CDKAL1: variants seen among roughly 807,000 people sequenced by gnomAD.
The protein encoded by CDKAL1 is threonylcarbamoyladenosine tRNA methylthiotransferase.
CDKAL1 carries 32 observed loss-of-function variants against 68.2 expected under a neutral mutation model. The ratio of observed to expected loss-of-function variants is 0.47; its 90% CI spans 0.35 to 0.63. CDKAL1 has a LOEUF of 0.63. Among genes scored for constraint, CDKAL1 ranks in the 30% least tolerant of loss-of-function variants. The pLI, the probability that CDKAL1 is intolerant of heterozygous loss-of-function variation, is 0.00. For missense variants in CDKAL1, 606 were observed against 696.7 expected (o/e 0.87, Z 1.47); for synonymous variants, 234 against 244.3 (o/e 0.96, Z 0.39).
intron 5 of CDKAL1, among the ~76,000 whole-genome samples, chr6:20,708,600 GT>G (rs1203336219): frequency 6.6e-6 from 1 of 152,164 alleles, no homozygotes; most frequent in African/African-American, 2.4e-5. Flanking sequence ...GTGTTAGACA[GT>G]TTCAGGTTCG....
intron 11 of CDKAL1, among the ~76,000 whole-genome samples, chr6:21,005,473 G>C (rs1338831280): frequency 6.6e-6 from 1 of 152,190 alleles, no homozygotes; most frequent in Non-Finnish European, 1.5e-5. Context: ...TCTTTAGACA[G>C]AGTATTTTGT....
intron 11 of CDKAL1, among the ~76,000 whole-genome samples, chr6:21,063,203 C>T (rs893615766): frequency 6.6e-6 from 1 of 152,230 alleles, no homozygotes; most frequent in African/African-American, 2.4e-5. Flanking sequence ...GCATGATCCA[C>T]TACATCTGGC....
At chr6:20,956,745 C>G (rs1229497555) in intron 10 of CDKAL1, among the ~76,000 whole-genome samples, 1 of 152,008 alleles carries the variant, frequency 6.6e-6, no homozygotes, top group Non-Finnish European at 1.5e-5. Flanking sequence ...ATATCAACAA[C>G]CTATTTCAGA....
intron 10 of CDKAL1, among the ~76,000 whole-genome samples, chr6:20,998,881 T>C (rs756027482): frequency 6.6e-6 from 1 of 152,180 alleles, no homozygotes; most frequent in African/African-American, 2.4e-5. Context: ...GCTAAGAAGG[T>C]GACTGATTTG....
At chr6:20,988,736 G>A (rs1023621122) in intron 10 of CDKAL1, among the ~76,000 whole-genome samples, 4 of 151,828 alleles carry the variant, frequency 2.6e-5, no homozygotes, top group South Asian at 2.1e-4. Flanking sequence ...TGAAATCTCC[G>A]CCTCCCGGGT....
intron 4 of CDKAL1, among the ~76,000 whole-genome samples, chr6:20,609,273 TCTC>T (rs1235244748): frequency 7.3e-6 from 1 of 136,646 alleles, no homozygotes; most frequent in African/African-American, 2.9e-5. Context: ...TCCTCCTCCT[TCTC>T]CTCCTTCTCC....
At chr6:20,744,137 A>G (rs1015559903) in intron 6 of CDKAL1, among the ~76,000 whole-genome samples, 1 of 152,046 alleles carries the variant, frequency 6.6e-6, no homozygotes, top group Admixed American at 6.6e-5. Context: ...TATTACTGCT[A>G]TTTGTTTATG....
At chr6:21,071,060 T>C (rs779896949) in intron 12 of CDKAL1, among the ~76,000 whole-genome samples, 4 of 152,274 alleles carry the variant, frequency 2.6e-5, no homozygotes, top group Non-Finnish European at 4.4e-5. Flanking sequence ...TTTTAGTTAA[T>C]GTGTTTTTTA....
At chr6:21,229,415 TCCTG>T (rs1460478638) in intron 15 of CDKAL1, among the ~76,000 whole-genome samples, 2 of 152,162 alleles carry the variant, frequency 1.3e-5, no homozygotes, top group African/African-American at 4.8e-5. Context: ...TACCCCATTC[TCCTG>T]CCTCCCTTCA....
intron 5 of CDKAL1, among the ~76,000 whole-genome samples, chr6:20,733,208 C>G (rs1166664154): frequency 6.6e-6 from 1 of 152,226 alleles, no homozygotes; most frequent in Non-Finnish European, 1.5e-5. Context: ...TGTCCCACAG[C>G]TACTTGCAGC....
intron 12 of CDKAL1, among the ~76,000 whole-genome samples, chr6:21,087,788 A>C (rs1772774006): frequency 6.6e-6 from 1 of 151,274 alleles, no homozygotes; most frequent in African/African-American, 2.4e-5. Context: ...ACAGATATGC[A>C]TGCATGCGTG....
chr6:20,872,569 C>T (rs1760281030), intron 9 of CDKAL1, among the ~76,000 whole-genome samples: 1 of 152,176 alleles, frequency 6.6e-6, no homozygotes, highest in Non-Finnish European at 1.5e-5. Context: ...AATGGGCATG[C>T]ATATTTCAGT....
chr6:21,096,647 C>G (rs1773332311), intron 12 of CDKAL1, among the ~76,000 whole-genome samples: 1 of 151,960 alleles, frequency 6.6e-6, no homozygotes, highest in Admixed American at 6.6e-5. Context: ...TATTGCCTGT[C>G]TTTAAGAAAA....
intron 7 of CDKAL1, among the ~76,000 whole-genome samples, chr6:20,770,061 T>C (rs1412211535): frequency 6.6e-6 from 1 of 152,202 alleles, no homozygotes; most frequent in Non-Finnish European, 1.5e-5. Flanking sequence ...TTCATGTGTC[T>C]TGTTTCCTCT....
intron 9 of CDKAL1, among the ~76,000 whole-genome samples, chr6:20,933,924 C>CT (rs398065625): frequency 0.51 from 73,812 of 144,676 alleles, 19,226 homozygotes; most frequent in African/African-American, 0.67. Context: ...ATTGTTTAAT[C>CT]TTTTTTTTTT....
chr6:20,558,425 A>C, intron 4 of CDKAL1: 1 of 417,570 alleles, frequency 2.4e-6, no homozygotes, highest in South Asian at 1.7e-5. Context: ...GAGATATCTA[A>C]ATGTAAAATG....
chr6:20,761,501 A>C (rs1294318443), intron 7 of CDKAL1, among the ~76,000 whole-genome samples: 13 of 152,240 alleles, frequency 8.5e-5, no homozygotes, highest in Admixed American at 8.5e-4. Context: ...GTAATTACTA[A>C]AACTTAGAAG....
intron 13 of CDKAL1, among the ~76,000 whole-genome samples, chr6:21,176,700 T>G (rs1039973675): frequency 1.2e-4 from 18 of 146,492 alleles, no homozygotes; most frequent in East Asian, 7.9e-4. Context: ...TTTTTTGTTT[T>G]TTTTTTTTTT....
chr6:21,152,681 T>G (rs1267991722), intron 13 of CDKAL1, among the ~76,000 whole-genome samples: 1 of 152,254 alleles, frequency 6.6e-6, no homozygotes, highest in Admixed American at 6.5e-5. Context: ...ATTATTTATG[T>G]TTTATATGTA....
Sources: gnomAD v4.1 joint callset for allele counts (sites outside exome capture counted in the v4.1 genomes callset) on GRCh38, gnomAD v4.1.1 for gene constraint, MANE v1.5 for transcripts, NCBI Gene and HGNC (gene_info 2026-07-23, HGNC 2026-07-21) for gene names.